Variants in ELMOD3 observed in about 807,000 individuals in gnomAD.
The protein encoded by ELMOD3 is ELMO domain-containing protein 3.
ELMOD3 carries 36 observed loss-of-function variants against 47.4 expected under a neutral mutation model. The ratio of observed to expected loss-of-function variants is 0.76; its 90% CI spans 0.58 to 1.00. ELMOD3 has a LOEUF of 1.00. ELMOD3 is among the 50% of genes least tolerant of loss of function. The pLI is 0.00. For synonymous variants in ELMOD3, 149 were observed against 183.5 expected (o/e 0.81, Z 1.52); for missense variants, 404 against 463.8 (o/e 0.87, Z 1.18).
intron 8 of ELMOD3, among the ~76,000 whole-genome samples, chr2:85,370,401 A>G (rs1313181879): frequency 6.7e-6 from 1 of 149,194 alleles, no homozygotes; most frequent in Non-Finnish European, 1.5e-5. Flanking sequence ...TGGGCAACAG[A>G]GTGAAACCCT....
chr2:85,386,953 G>C, intron 11 of ELMOD3: 2 of 1,002,470 alleles, frequency 2.0e-6, no homozygotes, highest in Non-Finnish European at 2.6e-6. Flanking sequence ...TGGGAGCCGA[G>C]ATCGTGCCAT....
intron 8 of ELMOD3, 110 bp from the exon 9 acceptor site, chr2:85,370,976 A>G (rs1299226129): frequency 7.7e-7 from 1 of 1,300,050 alleles, no homozygotes; most frequent in African/African-American, 1.5e-5. Context: ...CCAGCCAGAT[A>G]GCTGGGGGAG....
At chr2:85,374,454 G>C (rs1308859628) in intron 10 of ELMOD3, among the ~76,000 whole-genome samples, 1 of 152,120 alleles carries the variant, frequency 6.6e-6, no homozygotes, top group East Asian at 1.9e-4. Flanking sequence ...CAATTCTCCT[G>C]CCTCAGCCTT....
chr2:85,375,577 A>G (rs964551383), intron 10 of ELMOD3, among the ~76,000 whole-genome samples: 3 of 151,906 alleles, frequency 2.0e-5, no homozygotes, highest in Non-Finnish European at 4.4e-5. Flanking sequence ...GAAACTTTCT[A>G]TTTTTTCATT....
At chr2:85,379,384 T>C (rs144918007) in intron 11 of ELMOD3, among the ~76,000 whole-genome samples, 1 of 152,140 alleles carries the variant, frequency 6.6e-6, no homozygotes, top group Non-Finnish European at 1.5e-5. Context: ...TTTTTGTATT[T>C]TTAGTAAAGA....
At chr2:85,366,662 G>A (rs1482455754) in intron 6 of ELMOD3, among the ~76,000 whole-genome samples, 1 of 152,260 alleles carries the variant, frequency 6.6e-6, no homozygotes, top group African/African-American at 2.4e-5. Flanking sequence ...AGGCAGAGAT[G>A]AAGCATTCAC....
chr2:85,371,421 T>C lies in ELMOD3; in HGVS notation c.485-19T>C, dbSNP rs1420704498. The C allele has an allele frequency of 1.9e-6, 3 of 1,613,830 alleles. No homozygotes were observed. Among genetic ancestry groups the C allele is most frequent in the African/African-American group, 2.7e-5 (2 of 74,894 alleles). The stretch of plus-strand genomic sequence containing the variant: ...ATGAGGGGCAATCTGGCAGAGAGTG[T>C]GGGTGTGTTTTGGGGCAGGTGGCCT... On this transcript the variant is annotated intron_variant, in intron 9 of 13. Coordinates refer to ENST00000409013, the MANE Select transcript of ELMOD3 (RefSeq NM_001135022.2).
intron 11 of ELMOD3, among the ~76,000 whole-genome samples, chr2:85,380,654 A>G (rs573237862): frequency 0.02 from 2,976 of 152,314 alleles, 44 homozygotes; most frequent in Non-Finnish European, 0.032. Flanking sequence ...GCCTCCGAGT[A>G]GCTGGGATTA....
chr2:85,390,014 G>T (rs1686209258), intron 12 of ELMOD3, 124 bp from the exon 13 acceptor site: 2 of 1,150,534 alleles, frequency 1.7e-6, no homozygotes, highest in African/African-American at 1.5e-5. Context: ...GGCTCCTGGG[G>T]AATGGTGGGG....
intron 11 of ELMOD3, among the ~76,000 whole-genome samples, chr2:85,382,476 T>C (rs2104693164): frequency 6.6e-6 from 1 of 151,016 alleles, no homozygotes; most frequent in African/African-American, 2.4e-5. Flanking sequence ...ACGGTGTTCC[T>C]TTTAGACCCA....
intron 6 of ELMOD3, among the ~76,000 whole-genome samples, chr2:85,365,508 G>A (rs964345103): frequency 3.3e-5 from 5 of 152,188 alleles, no homozygotes; most frequent in African/African-American, 1.2e-4. Flanking sequence ...TAATTAACGT[G>A]AGCTGTGTTA....
intron 6 of ELMOD3, among the ~76,000 whole-genome samples, chr2:85,365,524 CCTGA>C (rs1482222116): frequency 1.5e-4 from 23 of 152,226 alleles, no homozygotes; most frequent in East Asian, 3.9e-4. Flanking sequence ...TGTTAATTAT[CCTGA>C]CTATTTGTCC....
chr2:85,363,918 A>G (rs1684159786), intron 6 of ELMOD3, among the ~76,000 whole-genome samples: 1 of 152,082 alleles, frequency 6.6e-6, no homozygotes, highest in Admixed American at 6.6e-5. Flanking sequence ...TTACAAGATG[A>G]GATTTAGGCG....
chr2:85,378,877 C>T (rs548661025), intron 11 of ELMOD3, among the ~76,000 whole-genome samples: 37 of 152,198 alleles, frequency 2.4e-4, no homozygotes, highest in African/African-American at 7.0e-4. Flanking sequence ...GATAGGTCCC[C>T]GAGTTATTAG....
intron 11 of ELMOD3, among the ~76,000 whole-genome samples, chr2:85,379,644 C>A (rs889750730): frequency 2.6e-5 from 4 of 152,182 alleles, no homozygotes; most frequent in African/African-American, 9.6e-5. Flanking sequence ...CATAATTTTT[C>A]TTTCTCCAGT....
intron 10 of ELMOD3, among the ~76,000 whole-genome samples, chr2:85,375,966 C>T (rs970144048): frequency 9.9e-5 from 15 of 152,150 alleles, no homozygotes; most frequent in African/African-American, 3.6e-4. Context: ...TTTTAAGGAC[C>T]CTTCTGATGA....
At chr2:85,380,777 A>C (rs1685485948) in intron 11 of ELMOD3, among the ~76,000 whole-genome samples, 1 of 152,188 alleles carries the variant, frequency 6.6e-6, no homozygotes, top group Non-Finnish European at 1.5e-5. Context: ...TGCTCGCCTC[A>C]GTCTCCCAAA....
intron 4 of ELMOD3, among the ~76,000 whole-genome samples, chr2:85,358,161 C>T (rs1236232282): frequency 1.3e-5 from 2 of 151,726 alleles, no homozygotes; most frequent in Non-Finnish European, 2.9e-5. Context: ...TGCCTGTAAT[C>T]CCAGCTACTC....
intron 4 of ELMOD3, among the ~76,000 whole-genome samples, chr2:85,359,415 T>C (rs1683786224): frequency 6.8e-6 from 1 of 147,456 alleles, no homozygotes; most frequent in South Asian, 2.2e-4. Flanking sequence ...CTTTTTTTTT[T>C]TTTTTTTTTT....
Sources: allele counts gnomAD v4.1 joint callset (sites outside exome capture counted in the v4.1 genomes callset), GRCh38; gene constraint gnomAD v4.1.1; transcripts MANE v1.5; gene names NCBI Gene and HGNC (gene_info 2026-07-23, HGNC 2026-07-21).